TOP6BL: variants seen among roughly 807,000 people sequenced by gnomAD.
The protein encoded by TOP6BL is type 2 DNA topoisomerase 6 subunit B-like.
At chr11:66,762,896 G>A in the TOP6BL span, among the ~76,000 whole-genome samples, 6 of 152,198 alleles carry the variant, frequency 3.9e-5, no homozygotes, top group African/African-American at 1.4e-4. Flanking sequence ...CTTTTCTGAA[G>A]TAATTTTTAG....
the TOP6BL span, chr11:66,838,472 C>G: frequency 6.3e-7 from 1 of 1,594,296 alleles, no homozygotes. Flanking sequence ...TCAAGTGAGC[C>G]CTGGACTGCA....
At chr11:66,815,573 A>G in the TOP6BL span, 1 of 153,548 alleles carries the variant, frequency 6.5e-6, no homozygotes, top group Non-Finnish European at 1.4e-5. Context: ...TATTTAACCT[A>G]TCTGTGCCTC....
the TOP6BL span, among the ~76,000 whole-genome samples, chr11:66,842,132 G>C: frequency 6.6e-6 from 1 of 152,164 alleles, no homozygotes. Flanking sequence ...GAGCCCAGGA[G>C]GTCGAGGCTG....
At chr11:66,762,978 A>C in the TOP6BL span, among the ~76,000 whole-genome samples, 2 of 152,168 alleles carry the variant, frequency 1.3e-5, no homozygotes, top group African/African-American at 4.8e-5. Context: ...GACAAGATGG[A>C]AGAATCGCTT....
the TOP6BL span, among the ~76,000 whole-genome samples, chr11:66,753,685 C>T: frequency 6.6e-5 from 10 of 151,618 alleles, no homozygotes; most frequent in African/African-American, 2.2e-4. Context: ...GCATTACAGG[C>T]GTGAGCCACC....
chr11:66,790,177 G>A, the TOP6BL span, among the ~76,000 whole-genome samples: 440 of 152,200 alleles, frequency 2.9e-3, 2 homozygotes, highest in African/African-American at 0.01. Context: ...GCTGAGGCAG[G>A]AGAATGGTGT....
At chr11:66,788,630 A>G in the TOP6BL span, among the ~76,000 whole-genome samples, 3 of 152,202 alleles carry the variant, frequency 2.0e-5, no homozygotes, top group Non-Finnish European at 2.9e-5. Context: ...GGCTTTGGTG[A>G]GGCCTCTCTT....
chr11:66,771,101 CT>C, the TOP6BL span: 1 of 150,330 alleles, frequency 6.7e-6, no homozygotes, highest in Non-Finnish European at 1.5e-5. Context: ...CAATAAATGT[CT>C]TTACCTTCTA....
the TOP6BL span, chr11:66,828,611 C>T: frequency 4.4e-4 from 185 of 416,284 alleles, no homozygotes; most frequent in East Asian, 7.8e-3. Context: ...TTTGTTATTT[C>T]AGGCAGGAGG....
At chr11:66,752,637 G>A in the TOP6BL span, among the ~76,000 whole-genome samples, 1 of 151,906 alleles carries the variant, frequency 6.6e-6, no homozygotes, top group Non-Finnish European at 1.5e-5. Context: ...ATTTTTCATA[G>A]AGATAGGGTT....
the TOP6BL span, among the ~76,000 whole-genome samples, chr11:66,832,390 G>A: frequency 1.3e-5 from 2 of 152,144 alleles, no homozygotes; most frequent in African/African-American, 4.8e-5. Flanking sequence ...ATGAGCCACC[G>A]CGCTATGGAC....
At chr11:66,746,748 C>T in the TOP6BL span, among the ~76,000 whole-genome samples, 43 of 151,146 alleles carry the variant, frequency 2.8e-4, no homozygotes, top group Non-Finnish European at 4.6e-4. Context: ...TGGTGGCAGG[C>T]GGCTGCACTT....
At chr11:66,761,764 C>A in the TOP6BL span, 1 of 784,258 alleles carries the variant, frequency 1.3e-6, no homozygotes, top group Non-Finnish European at 2.3e-6. Context: ...AGTTAGTATC[C>A]TTCCATTCAA....
At chr11:66,804,757 G>A in the TOP6BL span, among the ~76,000 whole-genome samples, 1 of 152,060 alleles carries the variant, frequency 6.6e-6, no homozygotes, top group African/African-American at 2.4e-5. Context: ...GGCCAATATG[G>A]TGAAACCCTG....
At chr11:66,819,591 C>T in the TOP6BL span, among the ~76,000 whole-genome samples, 3 of 151,252 alleles carry the variant, frequency 2.0e-5, no homozygotes, top group Non-Finnish European at 4.4e-5. Flanking sequence ...GGCAACACAG[C>T]GAGACCTCGT....
At chr11:66,802,271 A>G in the TOP6BL span, among the ~76,000 whole-genome samples, 2 of 151,662 alleles carry the variant, frequency 1.3e-5, no homozygotes, top group African/African-American at 4.8e-5. Context: ...TCCTGCCTCA[A>G]TCTCCTGAGT....
the TOP6BL span, among the ~76,000 whole-genome samples, chr11:66,793,774 A>G: frequency 2.0e-5 from 3 of 151,826 alleles, no homozygotes; most frequent in African/African-American, 4.8e-5. Context: ...ATCCCAACCT[A>G]TTGCCACAGT....
the TOP6BL span, among the ~76,000 whole-genome samples, chr11:66,749,308 C>T: frequency 2.6e-4 from 39 of 152,186 alleles, no homozygotes; most frequent in East Asian, 7.3e-3. Context: ...GGCAGGGTTC[C>T]CACCACTCTT....
chr11:66,776,058 A>G, the TOP6BL span, among the ~76,000 whole-genome samples: 1 of 150,704 alleles, frequency 6.6e-6, no homozygotes, highest in Non-Finnish European at 1.5e-5. Context: ...CAATCCTTAT[A>G]TGGCTTCTTT....
Sources: allele counts gnomAD v4.1 joint callset (sites outside exome capture counted in the v4.1 genomes callset), GRCh38; gene constraint gnomAD v4.1.1; transcripts MANE v1.5; gene names NCBI Gene and HGNC (gene_info 2026-07-23, HGNC 2026-07-21).